The following MLYCD variants were observed in gnomAD, a reference collection of about 807,000 sequenced individuals.
The protein encoded by MLYCD is malonyl-CoA decarboxylase.
A neutral mutation model predicts 35.8 loss-of-function variants in MLYCD; 27 were observed. That is an observed-to-expected ratio of 0.75 (90% confidence interval 0.56 to 1.04). The LOEUF is 1.04. Among genes scored for constraint, MLYCD ranks in the 50% least tolerant of loss-of-function variants. The pLI is 0.00. For synonymous variants in MLYCD, 403 were observed against 302.4 expected (o/e 1.33, Z -3.45); for missense variants, 917 against 665.1 (o/e 1.38, Z -4.17).
In MLYCD at chr16:83,925,697, G is replaced by C. The variant is rs565853055; in HGVS notation, c.*10208G>C. The C allele has an allele frequency of 2.0e-5, 3 of 152,636 alleles. No individual in the cohort carries two copies. The highest frequency in any genetic ancestry group is 2.9e-5 in the Non-Finnish European group (2 of 68,394). 9.5% of individuals were successfully genotyped at this position (152,636 alleles called of 1,614,324 possible). A position where few individuals can be genotyped will look rare whatever the true frequency, so the allele number is the denominator to read the frequency against. On this transcript the variant is annotated 3_prime_UTR_variant, in exon 5 of 5. Coordinates refer to ENST00000262430, the MANE Select transcript of MLYCD (RefSeq NM_012213.3). The stretch of plus-strand genomic sequence containing the variant: ...GCCCTCCTGGCACTGTCCTCCCTCA[G>C]TCTGGGACTCCCTGTCCTCCCTCCT...
At position 83,916,835 on chromosome 16, in the gene MLYCD, CTGTG is replaced by C. The variant is rs745927395; in HGVS notation, c.*1350_*1353del. On this transcript the variant is annotated 3_prime_UTR_variant, in exon 5 of 5. Transcript: ENST00000262430. The stretch of plus-strand genomic sequence containing the variant: ...CCTGTGTGCGTGTGCACGAGCGTCT[CTGTG>C]TGTCAGTGCACGTCTGTGTGCGTGT... 1.7e-5 allele frequency: 2 copies of C among 116,086 alleles called. No individual in the cohort carries two copies. The highest frequency in any genetic ancestry group is 3.4e-5 in the African/African-American group (1 of 28,990). The allele number at this position is 116,086 out of a possible 1,614,324, so 7.2% of individuals were successfully genotyped here.
In MLYCD at chr16:83,916,941, CTGTG is replaced by C. The variant is rs1407880483; in HGVS notation, c.*1455_*1458del. ...CGTCTCTGTGTGGATCAGTGCACGT[CTGTG>C]TGCGTGTGCACGAGCGTTCTATGTG... On this transcript the variant is annotated 3_prime_UTR_variant, in exon 5 of 5. Coordinates refer to ENST00000262430, the MANE Select transcript of MLYCD (RefSeq NM_012213.3). The C allele has an allele frequency of 2.3e-5, 3 of 130,840 alleles. No individual in the cohort carries two copies. The highest frequency in any genetic ancestry group is 2.4e-4 in the East Asian group (1 of 4,174). The allele number at this position is 130,840 out of a possible 1,614,324, so 8.1% of individuals were successfully genotyped here. A position where few individuals can be genotyped will look rare whatever the true frequency, so the allele number is the denominator to read the frequency against.
In MLYCD at chr16:83,914,818, C is replaced by T. The variant is rs1483509220; in HGVS notation, c.949-138C>T. 10 of 1,247,732 alleles carry T rather than the reference C, an allele frequency of 8.0e-6. 1 individual carries two copies. Among genetic ancestry groups the T allele is most frequent in the South Asian group, 3.7e-5 (3 of 81,354 alleles). 77.3% of individuals were successfully genotyped at this position (1,247,732 alleles called of 1,614,324 possible). A position where few individuals can be genotyped will look rare whatever the true frequency, so the allele number is the denominator to read the frequency against. On this transcript the variant is annotated intron_variant, in intron 4 of 4. Transcript: ENST00000262430. ...GAAAAGCTGCTTGAAAGAAGATAAACAACATGTATCAGATGTCACTCTGAC... is the reference window on the plus strand; with the variant it reads ...GAAAAGCTGCTTGAAAGAAGATAAATAACATGTATCAGATGTCACTCTGAC...
chr16:83,902,424 A>T (rs1906828600), intron 1 of MLYCD, among the ~76,000 whole-genome samples: 2 of 151,352 alleles, frequency 1.3e-5, no homozygotes. Flanking sequence ...GTACCTATAA[A>T]CTATCAACTG....
intron 2 of MLYCD, 120 bp downstream of exon 2, chr16:83,907,219 A>G: frequency 1.1e-6 from 1 of 904,784 alleles, no homozygotes; most frequent in Middle Eastern, 3.0e-4. Context: ...TTCAAGTCTA[A>G]TAAAATCCAA....
chr16:83,901,380 T>C (rs1906780514), intron 1 of MLYCD, among the ~76,000 whole-genome samples: 1 of 152,216 alleles, frequency 6.6e-6, no homozygotes, highest in Admixed American at 6.5e-5. Flanking sequence ...GAATGAATCA[T>C]TGCAATAGAT....
At chr16:83,906,856 T>TG in intron 1 of MLYCD, 131 bp from the exon 2 acceptor site, 1 of 830,436 alleles carries the variant, frequency 1.2e-6, no homozygotes, top group South Asian at 1.4e-5. Context: ...AAAAGCTGTT[T>TG]GGAGAGTTGT....
chr16:83,912,141 T>G, intron 3 of MLYCD, 77 bp from the exon 4 acceptor site: 1 of 1,595,370 alleles, frequency 6.3e-7, no homozygotes, highest in Non-Finnish European at 8.6e-7. Context: ...AATTGTCTTC[T>G]CGTCCCAGCA....
At chr16:83,902,131 A>ATGTG (rs148766722) in intron 1 of MLYCD, among the ~76,000 whole-genome samples, 23 of 126,650 alleles carry the variant, frequency 1.8e-4, no homozygotes, top group Admixed American at 5.5e-4. Context: ...GTATGTGTAT[A>ATGTG]TGTGTGTGTG....
At position 83,915,979 on chromosome 16, in the gene MLYCD, A is replaced by G. The variant is rs1302927953; in HGVS notation, c.*490A>G. The G allele has an allele frequency of 3.9e-6, 4 of 1,023,362 alleles. No homozygotes were observed. Among genetic ancestry groups the G allele is most frequent in the East Asian group, 8.3e-5 (1 of 12,070 alleles). The allele number at this position is 1,023,362 out of a possible 1,614,324, so 63.4% of individuals were successfully genotyped here. A position where few individuals can be genotyped will look rare whatever the true frequency, so the allele number is the denominator to read the frequency against. ...ATGCAGAGGGACAAAGGGCTGTGCT[A>G]CACTTCCCAGTTACATTCTGAAGCT... On this transcript the variant is annotated 3_prime_UTR_variant, in exon 5 of 5. Coordinates refer to ENST00000262430, the MANE Select transcript of MLYCD (RefSeq NM_012213.3).
chr16:83,909,789 A>ATT (rs534447151), intron 3 of MLYCD, among the ~76,000 whole-genome samples: 11 of 140,174 alleles, frequency 7.8e-5, no homozygotes, highest in Admixed American at 2.9e-4. Context: ...TGCCCAGCTA[A>ATT]TTTTTTTTTT....
At chr16:83,914,654 C>G (rs1259472178) in intron 4 of MLYCD, 1 of 434,592 alleles carries the variant, frequency 2.3e-6, no homozygotes, top group African/African-American at 2.0e-5. Flanking sequence ...CGGCGCGAGC[C>G]TGTGGTCCCA....
intron 1 of MLYCD, among the ~76,000 whole-genome samples, chr16:83,904,246 G>A (rs922110047): frequency 6.6e-5 from 10 of 152,252 alleles, no homozygotes; most frequent in Admixed American, 6.5e-5. Flanking sequence ...CAGCTCATCC[G>A]TTCCTAAACT....
At chr16:83,908,343 GT>G in intron 3 of MLYCD, 61 bp downstream of exon 3, 1 of 1,508,618 alleles carries the variant, frequency 6.6e-7, no homozygotes, top group South Asian at 1.3e-5. Flanking sequence ...TGTGTTTTTT[GT>G]TTTGTTTTGT....
rs745669311 is a variant in MLYCD, at chr16:83,907,061, C to G, written c.603C>G (p.Thr201=). The G allele has an allele frequency of 6.2e-7, 1 of 1,614,158 alleles. No individual in the cohort carries two copies. Among genetic ancestry groups the G allele is most frequent in the East Asian group, 2.2e-5 (1 of 44,888 alleles). ...GGTTCCTGAACCTAGAACGGGTTAC[C>G]TGGCATTCACCGTGTGAAGTGCTTC... ...SSGFLNLERV[T]WHSPCEVLQK... is the part of the protein sequence containing the mutation. The change falls in exon 2 of 5, where the codon ACC becomes ACG. Residue 201 remains threonine, a synonymous_variant. Coordinates refer to ENST00000262430, the MANE Select transcript of MLYCD (RefSeq NM_012213.3).
At chr16:83,905,396 T>C (rs1365669563) in intron 1 of MLYCD, among the ~76,000 whole-genome samples, 1 of 152,226 alleles carries the variant, frequency 6.6e-6, no homozygotes, top group Admixed American at 6.5e-5. Context: ...ATGTAGTTTA[T>C]GAGTAACAAA....
chr16:83,902,083 T>C (rs1167662042), intron 1 of MLYCD, among the ~76,000 whole-genome samples: 1 of 150,584 alleles, frequency 6.6e-6, no homozygotes, highest in African/African-American at 2.4e-5. Context: ...CCTTCCCTTG[T>C]TCTACGTAGT....
chr16:83,907,569 C>T (rs1042802813), intron 2 of MLYCD, among the ~76,000 whole-genome samples: 8 of 152,310 alleles, frequency 5.3e-5, no homozygotes, highest in African/African-American at 1.7e-4. Context: ...TAGCATGTCA[C>T]GGTGCCTTCA....
At chr16:83,910,798 C>T (rs1047350620) in intron 3 of MLYCD, among the ~76,000 whole-genome samples, 5 of 152,158 alleles carry the variant, frequency 3.3e-5, no homozygotes, top group African/African-American at 9.7e-5. Flanking sequence ...GACAGCGGGC[C>T]CCTCTCGGGC....
Sources: gnomAD v4.1 joint callset for allele counts (sites outside exome capture counted in the v4.1 genomes callset) on GRCh38, gnomAD v4.1.1 for gene constraint, MANE v1.5 for transcripts, NCBI Gene and HGNC (gene_info 2026-07-23, HGNC 2026-07-21) for gene names.